MSRA: variants seen among roughly 807,000 people sequenced by gnomAD.
The protein encoded by MSRA is methionine sulfoxide reductase A, also known as mitochondrial peptide methionine sulfoxide reductase.
A neutral mutation model predicts 31.3 loss-of-function variants in MSRA; 54 were observed. The ratio of observed to expected loss-of-function variants is 1.73; its 90% confidence interval spans 1.39 to 2.17. MSRA has a LOEUF of 2.17. MSRA is among the 30% of genes most tolerant of loss of function. The pLI is 0.00. For missense variants in MSRA, 507 were observed against 300.9 expected, an observed-to-expected ratio of 1.69 and a Z score of -5.07; for synonymous variants, 169 against 116.5, an observed-to-expected ratio of 1.45 and a Z score of -2.90.
At chr8:10,347,476 C>T (rs1405943871) in intron 5 of MSRA, among the ~76,000 whole-genome samples, 2 of 152,212 alleles carry the variant, frequency 1.3e-5, no homozygotes. Flanking sequence ...CCCCCTGCAG[C>T]TATCAGTGGG....
chr8:10,327,973 A>G (rs1282007028), intron 5 of MSRA, among the ~76,000 whole-genome samples: 1 of 150,398 alleles, frequency 6.6e-6, no homozygotes, highest in Non-Finnish European at 1.5e-5. Flanking sequence ...CTGCGCTACC[A>G]ATGCAGTCAT....
intron 1 of MSRA, among the ~76,000 whole-genome samples, chr8:10,103,949 C>T (rs1260487078): frequency 6.6e-6 from 1 of 152,102 alleles, no homozygotes; most frequent in Non-Finnish European, 1.5e-5. Flanking sequence ...ACAGCGTATA[C>T]ATGTAGCCAT....
chr8:10,303,989 G>T (rs533238853), intron 4 of MSRA, among the ~76,000 whole-genome samples: 1 of 152,310 alleles, frequency 6.6e-6, no homozygotes, highest in Non-Finnish European at 1.5e-5. Context: ...AAGCTGGAGT[G>T]CAGTGGCGTG....
chr8:10,092,957 A>C (rs1054997141), intron 1 of MSRA, among the ~76,000 whole-genome samples: 2 of 152,144 alleles, frequency 1.3e-5, no homozygotes, highest in Non-Finnish European at 2.9e-5. Flanking sequence ...CTTTAGTAGC[A>C]AGCGTTTTCT....
chr8:10,158,847 C>G (rs1404094307), intron 1 of MSRA, among the ~76,000 whole-genome samples: 3 of 152,192 alleles, frequency 2.0e-5, no homozygotes, highest in African/African-American at 7.2e-5. Context: ...TCAGTCCCAC[C>G]TGCAGAGGAT....
At chr8:10,148,410 G>A (rs1323670324) in intron 1 of MSRA, among the ~76,000 whole-genome samples, 2 of 151,912 alleles carry the variant, frequency 1.3e-5, no homozygotes, top group Middle Eastern at 3.4e-3. Context: ...CACTTTGGAG[G>A]CTGAGGCAGG....
chr8:10,376,242 A>G (rs1282273539), intron 5 of MSRA, among the ~76,000 whole-genome samples: 3 of 152,322 alleles, frequency 2.0e-5, no homozygotes, highest in East Asian at 3.9e-4. Flanking sequence ...CTCTTAGGGC[A>G]TTGATACTTC....
chr8:10,309,348 G>A (rs929622022), intron 4 of MSRA, among the ~76,000 whole-genome samples: 1 of 152,256 alleles, frequency 6.6e-6, no homozygotes. Context: ...GGCGCCTGGT[G>A]CGGAATAAGC....
chr8:10,382,102 C>A (rs10095190), intron 5 of MSRA, among the ~76,000 whole-genome samples: 1 of 152,084 alleles, frequency 6.6e-6, no homozygotes, highest in African/African-American at 2.4e-5. Context: ...TCTAGAAGCT[C>A]TACTGCCCCC....
intron 1 of MSRA, among the ~76,000 whole-genome samples, chr8:10,092,775 G>T (rs1475824402): frequency 6.6e-6 from 1 of 152,182 alleles, no homozygotes; most frequent in African/African-American, 2.4e-5. Context: ...CACAGTTGTG[G>T]AATGAAAGGT....
chr8:10,359,231 T>G (rs1214413163), intron 5 of MSRA, among the ~76,000 whole-genome samples: 1 of 152,196 alleles, frequency 6.6e-6, no homozygotes, highest in Non-Finnish European at 1.5e-5. Context: ...GATTGGATCT[T>G]CTTTGCCCAT....
intron 5 of MSRA, among the ~76,000 whole-genome samples, chr8:10,413,238 A>C (rs942793362): frequency 6.6e-6 from 1 of 152,224 alleles, no homozygotes; most frequent in Non-Finnish European, 1.5e-5. Context: ...TCTAGCGCAC[A>C]CACAGCCCTC....
intron 2 of MSRA, among the ~76,000 whole-genome samples, chr8:10,215,727 A>G (rs2129064218): frequency 6.6e-6 from 1 of 152,348 alleles, no homozygotes; most frequent in Non-Finnish European, 1.5e-5. Context: ...GTGTCAATAC[A>G]GAGCTCTCAG....
chr8:10,258,899 G>A (rs1018228224), intron 3 of MSRA, among the ~76,000 whole-genome samples: 3 of 152,166 alleles, frequency 2.0e-5, no homozygotes, highest in African/African-American at 7.2e-5. Flanking sequence ...TTGAGGTCAG[G>A]AGTTTGAGAC....
intron 2 of MSRA, among the ~76,000 whole-genome samples, chr8:10,209,960 T>C (rs1410400551): frequency 6.6e-6 from 1 of 152,268 alleles, no homozygotes; most frequent in African/African-American, 2.4e-5. Flanking sequence ...TTCCAGATGC[T>C]TAAATTAAGG....
chr8:10,113,340 G>A (rs552605765), intron 1 of MSRA, among the ~76,000 whole-genome samples: 9 of 112,574 alleles, frequency 8.0e-5, no homozygotes, highest in Admixed American at 2.6e-4. Flanking sequence ...AATGCTGAGC[G>A]AAAAGTTGAT....
intron 1 of MSRA, among the ~76,000 whole-genome samples, chr8:10,077,661 T>C (rs1336224864): frequency 6.6e-6 from 1 of 152,016 alleles, no homozygotes; most frequent in Non-Finnish European, 1.5e-5. Flanking sequence ...TTCTGCTCTT[T>C]TTCCTCTCAG....
At chr8:10,361,448 C>A (rs3812495) in intron 5 of MSRA, among the ~76,000 whole-genome samples, 1 of 151,912 alleles carries the variant, frequency 6.6e-6, no homozygotes, top group African/African-American at 2.4e-5. Flanking sequence ...TGGTTGTGGC[C>A]CTGGGCAAAA....
chr8:10,254,311 G>T (rs1227828122), intron 3 of MSRA, among the ~76,000 whole-genome samples: 2 of 151,994 alleles, frequency 1.3e-5, no homozygotes, highest in African/African-American at 4.8e-5. Context: ...TTTCTTTCTT[G>T]ACGTTTCCTC....
Sources: allele counts gnomAD v4.1 joint callset (sites outside exome capture counted in the v4.1 genomes callset), GRCh38; gene constraint gnomAD v4.1.1; transcripts MANE v1.5; gene names NCBI Gene and HGNC (gene_info 2026-07-23, HGNC 2026-07-21).